GCN1: variants seen among roughly 807,000 people sequenced by gnomAD.
GCN1 encodes stalled ribosome sensor GCN1.
In GCN1, 90 loss-of-function variants were observed where a neutral mutation model predicts 288.4. The observed-to-expected ratio is 0.31, with a 90% CI of 0.26 to 0.37. The LOEUF is 0.37. Among genes scored for constraint, GCN1 ranks in the 10% least tolerant of loss-of-function variants. The pLI is 1.00. For missense variants in GCN1, 2,586 were observed against 3,419.9 expected, an observed-to-expected ratio of 0.76 and a Z score of 6.08; for synonymous variants, 1,386 against 1,420.2, an observed-to-expected ratio of 0.98 and a Z score of 0.54.
At chr12:120,143,338 T>G (rs1877256916) in intron 42 of GCN1, among the ~76,000 whole-genome samples, 1 of 152,170 alleles carries the variant, frequency 6.6e-6, no homozygotes, top group South Asian at 2.1e-4. Flanking sequence ...ATCTCAGCAC[T>G]TTGGGAGGCC....
rs377633588 is a variant in GCN1 at position 120,149,728 on chromosome 12, G to C, written c.4432-8C>G. The C allele has an allele frequency of 5.0e-6, 8 of 1,610,100 alleles. No individual in the cohort carries two copies. Among genetic ancestry groups the C allele is most frequent in the African/African-American group, 1.3e-5 (1 of 74,798 alleles). ...GGCACAGTCATCTGCAGCCTCAAGG[G>C]GGGAGAAAACACATTCAGGGGCCTC... On this transcript the variant is annotated splice_region_variant and splice_polypyrimidine_tract_variant and intron_variant, in intron 35 of 57. Transcript: ENST00000300648.
At chr12:120,194,565 C>T in intron 1 of GCN1, 115 bp downstream of exon 1, 1 of 1,003,744 alleles carries the variant, frequency 1.0e-6, no homozygotes, top group Non-Finnish European at 1.4e-6. Flanking sequence ...AGACTACGAC[C>T]TCCACAGCCA....
chr12:120,169,424 T>C (rs1878247301), intron 15 of GCN1, among the ~76,000 whole-genome samples: 1 of 149,192 alleles, frequency 6.7e-6, no homozygotes, highest in Non-Finnish European at 1.5e-5. Flanking sequence ...TATTATATAT[T>C]ATAAGTAATA....
At position 120,155,063 on chromosome 12, in the gene GCN1, T is replaced by G; in HGVS notation, c.3631-23A>C. 1 of 1,607,922 alleles carries G rather than the reference T, an allele frequency of 6.2e-7. No homozygotes were observed. On this transcript the variant is annotated intron_variant, in intron 30 of 57. Transcript: ENST00000300648. The surrounding 1 kb of genome is among the most constrained non-coding windows in gnomAD (Gnocchi z 4.9). ...CCGCTGCAACAGACAAGTTGGTAAA[T>G]GCTTTGCAACGGGCAGATCAATGAC... is the stretch of plus-strand genomic sequence containing the variant.
rs1876945902 is a variant in GCN1, at chr12:120,134,833, C to T, written c.7009-107G>A. The T allele has an allele frequency of 3.2e-6, 3 of 938,862 alleles. No individual in the cohort carries two copies. The highest frequency in any genetic ancestry group is 4.0e-5 in the Admixed American group (2 of 49,406). 58.2% of individuals were successfully genotyped at this position (938,862 alleles called of 1,614,324 possible). On this transcript the variant is annotated intron_variant, in intron 51 of 57. Coordinates refer to ENST00000300648, the MANE Select transcript of GCN1 (RefSeq NM_006836.2). This position sits in a 1 kb window ranked among gnomAD's most constrained non-coding sequence, Gnocchi z 5.0. The stretch of plus-strand genomic sequence containing the variant: ...CAATCCCAAACCACCACAGCGAGTC[C>T]AGCTCTCATACAGGGCTGGGGACAG...
intron 22 of GCN1, among the ~76,000 whole-genome samples, chr12:120,160,604 A>T (rs928974797): frequency 6.6e-6 from 1 of 152,284 alleles, no homozygotes; most frequent in Middle Eastern, 3.4e-3. Context: ...CTCCTCTCCA[A>T]CCCCTTCCTA....
Position 120,155,320 on chromosome 12 carries a change from G to C in GCN1, c.3551C>G (p.Ser1184Cys), listed in dbSNP as rs1272744714. ...CCGCTGGTAACGTGCCACTGCTTGG[G>C]AGAGGGCTTCGGCCCCTGCCTGCCT... is the stretch of plus-strand genomic sequence containing the variant. ...AVRQAGAEAL[S>C]QAVARYQRQA... The change falls in exon 30 of 58, where the codon TCC becomes TGC. Residue 1184 changes from serine (S) to cysteine (C), a missense_variant. Around this residue, in one of 8 missense-constraint regions of GCN1, gnomAD observed 332 missense variants for 403.0 expected, o/e 0.82. Transcript: ENST00000300648. The surrounding 1 kb of genome is among the most constrained non-coding windows in gnomAD (Gnocchi z 4.9). 1 of 1,614,072 alleles carries C rather than the reference G, an allele frequency of 6.2e-7. No homozygotes were observed. Among genetic ancestry groups the C allele is most frequent in the Non-Finnish European group, 8.5e-7 (1 of 1,180,048 alleles).
At position 120,156,740 on chromosome 12, in the gene GCN1, A is replaced by G; in HGVS notation, c.3169-136T>C. 1 of 980,994 alleles carries G rather than the reference A, an allele frequency of 1.0e-6. No individual in the cohort carries two copies. Among genetic ancestry groups the G allele is most frequent in the Non-Finnish European group, 1.6e-6 (1 of 641,386 alleles). The allele number at this position is 980,994 out of a possible 1,614,324, so 60.8% of individuals were successfully genotyped here. On this transcript the variant is annotated intron_variant, in intron 27 of 57. Transcript: ENST00000300648. The surrounding 1 kb of genome is among the most constrained non-coding windows in gnomAD (Gnocchi z 5.8). The stretch of plus-strand genomic sequence containing the variant: ...ACCCCAGCTCCAGTGGCAGGACCCA[A>G]GCAAAACCCCTCACTAGCTAACAAC...
At chr12:120,175,015 T>C in intron 12 of GCN1, 147 bp downstream of exon 12, 1 of 645,312 alleles carries the variant, frequency 1.5e-6, no homozygotes, top group Non-Finnish European at 2.6e-6. Context: ...TAATCCCAGC[T>C]ACTAAGGAGG....
Position 120,142,801 on chromosome 12 carries a change from G to T in GCN1, c.5613+23C>A. 1 of 1,598,100 alleles carries T rather than the reference G, an allele frequency of 6.3e-7. No homozygotes were observed. Among genetic ancestry groups the T allele is most frequent in the Non-Finnish European group, 8.6e-7 (1 of 1,165,500 alleles). On this transcript the variant is annotated intron_variant, in intron 43 of 57. Transcript: ENST00000300648. This position sits in a 1 kb window ranked among gnomAD's most constrained non-coding sequence, Gnocchi z 4.9. ...CAGGGCACACCCTACCATCAGCAGG[G>T]GCAGGAAAGCCACTGCAGGCACCTT... is the stretch of plus-strand genomic sequence containing the variant.
intron 22 of GCN1, among the ~76,000 whole-genome samples, chr12:120,160,814 G>A (rs1877901205): frequency 6.6e-6 from 1 of 152,192 alleles, no homozygotes; most frequent in Non-Finnish European, 1.5e-5. Context: ...AATCTAGCAG[G>A]CGAAGATAGA....
In GCN1 at chr12:120,168,479, A is replaced by C. The variant is rs541823280; in HGVS notation, c.1520-179T>G. 4 of 552,844 alleles carry C rather than the reference A, an allele frequency of 7.2e-6. No individual in the cohort carries two copies. The African/African-American group carries it at 7.6e-5, about 11-fold the overall frequency. The allele number at this position is 552,844 out of a possible 1,614,324, so 34.2% of individuals were successfully genotyped here. A position where few individuals can be genotyped will look rare whatever the true frequency, so the allele number is the denominator to read the frequency against. Reference sequence around the variant, plus strand: ...TCCTTCTGGTATCACCTCCTGTACGAAACTCTTCGGTGGCTCTCTGCTGCC... The same window carrying C: ...TCCTTCTGGTATCACCTCCTGTACGCAACTCTTCGGTGGCTCTCTGCTGCC... On this transcript the variant is annotated intron_variant, in intron 15 of 57. Coordinates refer to ENST00000300648, the MANE Select transcript of GCN1 (RefSeq NM_006836.2).
Position 120,156,652 on chromosome 12 carries a change from C to G in GCN1, c.3169-48G>C, listed in dbSNP as rs371175163. 1 of 1,597,560 alleles carries G rather than the reference C, an allele frequency of 6.3e-7. No individual in the cohort carries two copies. The highest frequency in any genetic ancestry group is 8.6e-7 in the Non-Finnish European group (1 of 1,166,876). On this transcript the variant is annotated intron_variant, in intron 27 of 57. Transcript: ENST00000300648. This position sits in a 1 kb window ranked among gnomAD's most constrained non-coding sequence, Gnocchi z 5.8. ...GGTTCAGTCAGCAACTCATTTACTA[C>G]TAGGGGGCCAGAGAGGGATATGCAC...
chr12:120,132,185 C>T (rs1026582261), intron 53 of GCN1, among the ~76,000 whole-genome samples, 163 bp from the exon 54 acceptor site: 3 of 152,206 alleles, frequency 2.0e-5, no homozygotes, highest in African/African-American at 7.2e-5. Context: ...CTCGTGCTCC[C>T]CTGCCAGATT....
intron 11 of GCN1, 80 bp from the exon 12 acceptor site, chr12:120,175,292 A>T: frequency 8.1e-7 from 1 of 1,241,602 alleles, no homozygotes; most frequent in Non-Finnish European, 1.2e-6. Flanking sequence ...CACGTGTGTG[A>T]TGCCACGATA....
chr12:120,158,398 G>A lies in GCN1; in HGVS notation c.2905+62C>T. On this transcript the variant is annotated intron_variant, in intron 25 of 57. Transcript: ENST00000300648. The surrounding 1 kb of genome is among the most constrained non-coding windows in gnomAD (Gnocchi z 4.3). ...GAGGCCCTGGGTGACGCTGTGCCTT[G>A]AGCAGCATTCCTGGCACCAGCTCAC... 4.3e-6 allele frequency: 6 copies of A among 1,401,938 alleles called. No individual in the cohort carries two copies. Among genetic ancestry groups the A allele is most frequent in the South Asian group, 2.8e-5 (2 of 72,302 alleles). The allele number at this position is 1,401,938 out of a possible 1,614,324, so 86.8% of individuals were successfully genotyped here. A position where few individuals can be genotyped will look rare whatever the true frequency, so the allele number is the denominator to read the frequency against.
Position 120,181,533 on chromosome 12 carries a change from A to AT in GCN1, c.426+2035dup, listed in dbSNP as rs1209945214. Among the ~76,000 whole-genome samples, 9 of 148,084 alleles carry AT rather than the reference A, an allele frequency of 6.1e-5. No homozygotes were observed. In the East Asian group the frequency reaches 1.8e-3, roughly 29 times the overall value. On this transcript the variant is annotated intron_variant, in intron 5 of 57. Transcript: ENST00000300648. ...TGTGTATAAAAAAATTTTTTAATAC[A>AT]TTTTTTTAAAAGTAGGCTGGGCACG...
At chr12:120,159,497 G>A (rs1332821779) in intron 24 of GCN1, among the ~76,000 whole-genome samples, 1 of 152,210 alleles carries the variant, frequency 6.6e-6, no homozygotes, top group Admixed American at 6.5e-5. Context: ...CAGGAGATCT[G>A]GGCTGGGCTG....
chr12:120,158,385 G>T lies in GCN1; in HGVS notation c.2905+75C>A. ...CCCCCAGGCTCAGGAGGCCCTGGGT[G>T]ACGCTGTGCCTTGAGCAGCATTCCT... is the stretch of plus-strand genomic sequence containing the variant. On this transcript the variant is annotated intron_variant, in intron 25 of 57. Coordinates refer to ENST00000300648, the MANE Select transcript of GCN1 (RefSeq NM_006836.2). This position sits in a 1 kb window ranked among gnomAD's most constrained non-coding sequence, Gnocchi z 4.3. The T allele has an allele frequency of 7.8e-7, 1 of 1,277,824 alleles. No individual in the cohort carries two copies. Among genetic ancestry groups the T allele is most frequent in the Non-Finnish European group, 1.1e-6 (1 of 935,202 alleles). The allele number at this position is 1,277,824 out of a possible 1,614,324, so 79.2% of individuals were successfully genotyped here.
Sources: gnomAD v4.1 joint callset for allele counts (sites outside exome capture counted in the v4.1 genomes callset) on GRCh38, gnomAD v4.1.1 for gene constraint, gnomAD v4.1.1 regional missense constraint, Gnocchi (gnomAD v3.1) non-coding constraint, MANE v1.5 for transcripts, NCBI Gene and HGNC (gene_info 2026-07-23, HGNC 2026-07-21) for gene names.